Variants in GMDS observed in about 807,000 individuals in gnomAD.
The protein encoded by GMDS is GDP-mannose 4,6-dehydratase.
Under a neutral mutation model 49.9 loss-of-function variants are expected in GMDS, and 20 were observed. The ratio of observed to expected loss-of-function variants is 0.40; its 90% CI spans 0.28 to 0.58. The LOEUF is 0.58. GMDS is among the 20% of genes least tolerant of loss of function. The pLI is 0.42. For synonymous variants in GMDS, 177 were observed against 178.6 expected (o/e 0.99, Z 0.07); for missense variants, 362 against 481.4 (o/e 0.75, Z 2.32).
chr6:1,648,985 G>A (rs1020829462), intron 9 of GMDS, among the ~76,000 whole-genome samples: 6 of 152,258 alleles, frequency 3.9e-5, no homozygotes, highest in East Asian at 1.9e-4. Flanking sequence ...ATGAGCTTAC[G>A]TTTAAGGCAG....
At chr6:1,952,914 C>T (rs984145304) in intron 6 of GMDS, among the ~76,000 whole-genome samples, 1 of 152,068 alleles carries the variant, frequency 6.6e-6, no homozygotes, top group Non-Finnish European at 1.5e-5. Flanking sequence ...GAAGCCAATC[C>T]CTATGAGTGA....
In GMDS at chr6:1,833,126, CTTT is replaced by C. The variant is rs34633662; in HGVS notation, c.772-90543_772-90541del. Among the ~76,000 whole-genome samples the C allele has an allele frequency of 8.9e-4, 110 of 123,340 alleles. No homozygotes were observed. The highest frequency in any genetic ancestry group is 8.2e-3 in the East Asian group (35 of 4,288). 80.9% of individuals were successfully genotyped at this position (123,340 alleles called of 152,430 possible). A position where few individuals can be genotyped will look rare whatever the true frequency, so the allele number is the denominator to read the frequency against. ...ACCCGGCAGTGGAGCGTATGAAAGC[CTTT>C]TTTTTTTTTTTTTTTTTTTTAAACT... On this transcript the variant is annotated intron_variant, in intron 7 of 10. Coordinates refer to ENST00000380815, the MANE Select transcript of GMDS (RefSeq NM_001500.4). The surrounding 1 kb of genome is among the most constrained non-coding windows in gnomAD (Gnocchi z 4.4).
intron 9 of GMDS, among the ~76,000 whole-genome samples, chr6:1,681,819 C>G (rs909610938): frequency 6.6e-6 from 1 of 152,222 alleles, no homozygotes; most frequent in African/African-American, 2.4e-5. Flanking sequence ...TTTCAGCCTC[C>G]TGAGTAGATG....
At chr6:2,215,559 G>A (rs550484430) in intron 1 of GMDS, among the ~76,000 whole-genome samples, 26 of 151,860 alleles carry the variant, frequency 1.7e-4, no homozygotes, top group Admixed American at 1.3e-3. Flanking sequence ...GCTATAATTC[G>A]AGATGAGATT....
At chr6:1,762,266 C>T (rs1050123434) in intron 7 of GMDS, among the ~76,000 whole-genome samples, 2 of 152,150 alleles carry the variant, frequency 1.3e-5, no homozygotes, top group African/African-American at 2.4e-5. Context: ...CTGTTTTTTC[C>T]CTCCCTAACA....
intron 9 of GMDS, among the ~76,000 whole-genome samples, chr6:1,646,342 T>G (rs1763483038): frequency 6.6e-6 from 1 of 152,134 alleles, no homozygotes; most frequent in African/African-American, 2.4e-5. Context: ...CACCTAGGGC[T>G]TTTCTGTGAC....
intron 1 of GMDS, among the ~76,000 whole-genome samples, chr6:2,201,553 C>A (rs1391510041): frequency 8.1e-6 from 1 of 122,752 alleles, no homozygotes; most frequent in African/African-American, 3.1e-5. Context: ...CGAGATGAAA[C>A]CATCTAGGCA....
intron 4 of GMDS, among the ~76,000 whole-genome samples, chr6:2,078,996 T>C (rs1432549735): frequency 6.6e-6 from 1 of 151,160 alleles, no homozygotes; most frequent in Non-Finnish European, 1.5e-5. Flanking sequence ...ATTGATTCCT[T>C]TGTCATTGCA....
In GMDS at chr6:1,974,561, G is replaced by A. The variant is rs570170218; in HGVS notation, c.346-13595C>T. ...GGCAGGTTCCAAGTCTCAAACTGAT[G>A]TTTGAGACAGGCAGGTAGGAACACT... On this transcript the variant is annotated intron_variant, in intron 4 of 10. Transcript: ENST00000380815. Among the ~76,000 whole-genome samples the A allele has an allele frequency of 2.6e-5, 4 of 152,274 alleles. 1 individual carries two copies. The South Asian group carries it at 6.2e-4, about 24-fold the overall frequency.
chr6:1,782,998 A>C (rs1030775700), intron 7 of GMDS, among the ~76,000 whole-genome samples: 7 of 152,028 alleles, frequency 4.6e-5, no homozygotes, highest in African/African-American at 1.7e-4. Flanking sequence ...TACAAAAAAA[A>C]ATTTAAAATA....
intron 6 of GMDS, among the ~76,000 whole-genome samples, chr6:1,934,364 C>A (rs1163015618): frequency 6.6e-6 from 1 of 152,120 alleles, no homozygotes; most frequent in Non-Finnish European, 1.5e-5. Flanking sequence ...TTCTCTGTCC[C>A]TTGAATTTCC....
At chr6:2,233,755 G>GC (rs1781221287) in intron 1 of GMDS, among the ~76,000 whole-genome samples, 1 of 152,214 alleles carries the variant, frequency 6.6e-6, no homozygotes, top group Non-Finnish European at 1.5e-5. Context: ...GGTGGGGGGC[G>GC]CCGAAGTTGC....
At chr6:1,684,323 C>T (rs1764897137) in intron 9 of GMDS, among the ~76,000 whole-genome samples, 2 of 152,184 alleles carry the variant, frequency 1.3e-5, no homozygotes, top group African/African-American at 4.8e-5. Context: ...GACATACTTC[C>T]CAGATGAACC....
intron 7 of GMDS, among the ~76,000 whole-genome samples, chr6:1,808,904 C>CTG (rs35317273): frequency 0.4 from 59,408 of 149,334 alleles, 11,432 homozygotes; most frequent in Middle Eastern, 0.46. Context: ...CATGCTCTCT[C>CTG]TGTGTGTGTG....
chr6:2,128,850 T>C (rs1775587011), intron 1 of GMDS, among the ~76,000 whole-genome samples: 1 of 152,200 alleles, frequency 6.6e-6, no homozygotes, highest in African/African-American at 2.4e-5. Flanking sequence ...GGAGAAAGGA[T>C]ACAGCACCTG....
At chr6:1,926,416 T>C (rs9503047) in intron 7 of GMDS, among the ~76,000 whole-genome samples, 62,188 of 152,018 alleles carry the variant, frequency 0.41, 13,324 homozygotes, top group Middle Eastern at 0.48. Flanking sequence ...AGTGGGGCAC[T>C]GAGGAAGCAA....
intron 4 of GMDS, among the ~76,000 whole-genome samples, chr6:1,991,181 C>T (rs1186070743): frequency 6.6e-5 from 10 of 152,076 alleles, no homozygotes; most frequent in African/African-American, 2.2e-4. Flanking sequence ...TGGATAACTC[C>T]ACCAGTCTTC....
chr6:1,947,198 T>C (rs1763109212), intron 6 of GMDS, among the ~76,000 whole-genome samples: 1 of 152,162 alleles, frequency 6.6e-6, no homozygotes, highest in Non-Finnish European at 1.5e-5. Flanking sequence ...CAATTAAATG[T>C]TCTCTGTGAA....
intron 8 of GMDS, among the ~76,000 whole-genome samples, chr6:1,729,987 C>T (rs938430531): frequency 4.7e-5 from 7 of 149,172 alleles, no homozygotes; most frequent in African/African-American, 1.7e-4. Context: ...TTGGTGGGGG[C>T]GGGGGAACAA....
Sources: gnomAD v4.1 joint callset for allele counts (sites outside exome capture counted in the v4.1 genomes callset) on GRCh38, gnomAD v4.1.1 for gene constraint, Gnocchi (gnomAD v3.1) non-coding constraint, MANE v1.5 for transcripts, NCBI Gene and HGNC (gene_info 2026-07-23, HGNC 2026-07-21) for gene names.